Variants in SHC2 observed in about 807,000 individuals in gnomAD.
SHC2 encodes SHC-transforming protein 2.
A neutral mutation model predicts 60.6 loss-of-function variants in SHC2; 62 were observed. That is an observed-to-expected ratio of 1.02 (90% CI 0.83 to 1.26). The LOEUF (loss-of-function observed/expected upper bound fraction) is 1.26. SHC2 is among the 50% of genes most tolerant of loss of function. The pLI is 0.00. For missense variants in SHC2, 873 were observed against 822.2 expected (o/e 1.06, Z -0.76); for synonymous variants, 375 against 372.4 (o/e 1.01, Z -0.08).
chr19:443,288 G>A (rs542279794), intron 1 of SHC2, among the ~76,000 whole-genome samples: 24 of 149,978 alleles, frequency 1.6e-4, no homozygotes, highest in African/African-American at 5.7e-4. Context: ...ATGAATAGGT[G>A]CATGGATGGG....
intron 1 of SHC2, among the ~76,000 whole-genome samples, chr19:449,138 A>T (rs1975117018): frequency 6.6e-6 from 1 of 152,194 alleles, no homozygotes. Context: ...ACTGCACTCC[A>T]GCCTGGGCGA....
At chr19:439,444 G>A (rs1024625969) in intron 2 of SHC2, 7 of 231,580 alleles carry the variant, frequency 3.0e-5, no homozygotes, top group African/African-American at 5.2e-5. Flanking sequence ...TGAGCCTGAC[G>A]CGGGGTCCGT....
rs1041861457 is a variant in SHC2 at position 423,000 on chromosome 19, C to T, written c.1310-544G>A. ...CCCCTCATTGTCAAACAGGGGTGGG[C>T]GTGTCCCCAGGCAGAAAGCAGCATG... On this transcript the variant is annotated intron_variant, in intron 10 of 12. Coordinates refer to ENST00000264554, the MANE Select transcript of SHC2 (RefSeq NM_012435.3). The surrounding 1 kb of genome is among the most constrained non-coding windows in gnomAD (Gnocchi z 5.0). 7.2e-5 allele frequency among the ~76,000 whole-genome samples: 11 copies of T among 152,272 alleles called. No individual in the cohort carries two copies. Among genetic ancestry groups the T allele is most frequent in the Middle Eastern group, 3.4e-3 (1 of 294 alleles).
intron 1 of SHC2, among the ~76,000 whole-genome samples, chr19:452,551 C>T (rs1023736897): frequency 6.8e-6 from 1 of 146,070 alleles, no homozygotes; most frequent in Non-Finnish European, 1.5e-5. Flanking sequence ...GTTGGGGCAT[C>T]GTACTGACTT....
chr19:460,502 C>A, intron 1 of SHC2, 27 bp downstream of exon 1: 8 of 983,672 alleles, frequency 8.1e-6, no homozygotes, highest in Non-Finnish European at 8.5e-6. Context: ...CGCGAACGGG[C>A]TCCCGGGGGG....
chr19:447,981 T>C (rs914740189), intron 1 of SHC2, among the ~76,000 whole-genome samples: 1 of 152,188 alleles, frequency 6.6e-6, no homozygotes, highest in Non-Finnish European at 1.5e-5. Flanking sequence ...AACATCTGTC[T>C]CCCCAGATCA....
In SHC2 at chr19:419,067, G is replaced by C. The variant is rs1412088216; in HGVS notation, c.1621-11C>G. ...GTCCTTCGTCCGTACCTGCGGGACA[G>C]AGACCTCGGCATCAGCTCCCGGGAG... On this transcript the variant is annotated splice_polypyrimidine_tract_variant and intron_variant, in intron 11 of 12. Transcript: ENST00000264554. 1.3e-6 allele frequency: 2 copies of C among 1,569,374 alleles called. No homozygotes were observed. The highest frequency in any genetic ancestry group is 1.4e-5 in the African/African-American group (1 of 74,068).
intron 1 of SHC2, among the ~76,000 whole-genome samples, chr19:459,081 C>A (rs530392445): frequency 6.6e-6 from 1 of 152,222 alleles, no homozygotes; most frequent in African/African-American, 2.4e-5. Flanking sequence ...AGGTAGGCCT[C>A]ATCTTGACTA....
chr19:460,666 GCCCGCCC>G lies in SHC2; in HGVS notation c.324_330del (p.Gly112ArgfsTer65), dbSNP rs1568302403. Reference sequence around the variant, plus strand: ...GCGTCCCCGGACCCCGCCGCCCCCCGCCCGCCCCGCGACCCCCGCGACCCCGCGCCCC... The same window carrying G: ...GCGTCCCCGGACCCCGCCGCCCCCCGCGCGACCCCCGCGACCCCGCGCCCC... On this transcript the variant is annotated frameshift_variant, in exon 1 of 13. Transcript: ENST00000264554. LOFTEE classifies it high-confidence loss of function. 2.5e-5 allele frequency: 28 copies of G among 1,114,400 alleles called. No homozygotes were observed. Among genetic ancestry groups the G allele is most frequent in the African/African-American group, 1.7e-4 (10 of 59,434 alleles). The allele number at this position is 1,114,400 out of a possible 1,614,324, so 69.0% of individuals were successfully genotyped here.
At position 417,085 on chromosome 19, in the gene SHC2, G is replaced by A. The variant is rs971788561; in HGVS notation, c.*243C>T. On this transcript the variant is annotated 3_prime_UTR_variant, in exon 13 of 13. Transcript: ENST00000264554. ...TAAAGGCGAAATGGTTCCGTCTTTG[G>A]TATGAACACCCTCACTCCAGGCAAA... The A allele has an allele frequency of 7.9e-5, 12 of 152,758 alleles. No homozygotes were observed. Among genetic ancestry groups the A allele is most frequent in the African/African-American group, 2.9e-4 (12 of 41,458 alleles). 9.5% of individuals were successfully genotyped at this position (152,758 alleles called of 1,614,324 possible).
Position 440,882 on chromosome 19 carries a change from G to T in SHC2, c.519C>A (p.Asn173Lys), listed in dbSNP as rs113455631. The change falls in exon 2 of 13, where the codon AAC becomes AAA. Residue 173 changes from asparagine (N) to lysine (K), a missense_variant. By Grantham distance (94) the Asn-to-Lys change is moderately conservative. Coordinates refer to ENST00000264554, the MANE Select transcript of SHC2 (RefSeq NM_012435.3). This position sits in a 1 kb window ranked among gnomAD's most constrained non-coding sequence, Gnocchi z 7.0. ...VLRSMRSLDF[N>K]TRTQVTREAI... ...CTCACCTGGTCACCTGCGTGCGCGT[G>T]TTAAAGTCCAGGGAGCGCATAGAGC... 5.0e-6 allele frequency: 8 copies of T among 1,612,782 alleles called. No homozygotes were observed. The highest frequency in any genetic ancestry group is 3.4e-6 in the Non-Finnish European group (4 of 1,179,742).
intron 9 of SHC2, among the ~76,000 whole-genome samples, chr19:427,905 GAAGGGGGAACTGCACACGGCACAGGA>G (rs1974462956): frequency 1.3e-5 from 2 of 149,554 alleles, no homozygotes; most frequent in Non-Finnish European, 3.0e-5. Flanking sequence ...ACGGCGCAGG[GAAGGGGGAACTGCACACGGCACAGGA>G]AAAGGGAGGC....
intron 11 of SHC2, among the ~76,000 whole-genome samples, chr19:420,357 C>T (rs1568279758): frequency 6.6e-6 from 1 of 152,188 alleles, no homozygotes; most frequent in South Asian, 2.1e-4. Flanking sequence ...CACGCAGAGA[C>T]CAGGCTCACA....
rs774297216 is a variant in SHC2, at chr19:419,003, G to A, written c.1674C>T (p.His558=). 19 of 1,587,470 alleles carry A rather than the reference G, an allele frequency of 1.2e-5. No individual in the cohort carries two copies. In the East Asian group the frequency reaches 3.7e-4, roughly 31 times the overall value. Residue 558 remains histidine (H), a synonymous_variant, in exon 12 of 13, where the codon CAC becomes CAT. Transcript: ENST00000264554. ...FESISHLIDH[H]LQNGQPIVAA... is the part of the protein sequence containing the mutation. The stretch of plus-strand genomic sequence containing the variant: ...CCACGATGGGCTGCCCGTTCTGCAG[G>A]TGGTGGTCGATCAGGTGGCTGATGC...
Position 440,784 on chromosome 19 carries a change from TCGCTGCCGCCCTC to T in SHC2, c.539+65_539+77del. 7.7e-7 allele frequency: 1 copy of T among 1,296,064 alleles called. No homozygotes were observed. Among genetic ancestry groups the T allele is most frequent in the African/African-American group, 1.5e-5 (1 of 68,450 alleles). 80.3% of individuals were successfully genotyped at this position (1,296,064 alleles called of 1,614,324 possible). ...CCCAGCGCGGCTGTCGGAGAGCCCA[TCGCTGCCGCCCTC>T]CAGTGCTGCCGCCCTCCAGTGCGTC... On this transcript the variant is annotated intron_variant, in intron 2 of 12. Transcript: ENST00000264554. The surrounding 1 kb of genome is among the most constrained non-coding windows in gnomAD (Gnocchi z 7.0).
At position 447,291 on chromosome 19, in the gene SHC2, C is replaced by T. The variant is rs1294150381; in HGVS notation, c.469-6359G>A. The stretch of plus-strand genomic sequence containing the variant: ...CAGAGGCAGGAAGGGGACGCGTGGG[C>T]GCCGGGGATGGGGAGGGGGTGGAGG... On this transcript the variant is annotated intron_variant, in intron 1 of 12. Coordinates refer to ENST00000264554, the MANE Select transcript of SHC2 (RefSeq NM_012435.3). 6.8e-5 allele frequency among the ~76,000 whole-genome samples: 9 copies of T among 133,176 alleles called. 1 individual carries two copies. Among genetic ancestry groups the T allele is most frequent in the South Asian group, 2.8e-4 (1 of 3,512 alleles). 87.4% of individuals were successfully genotyped at this position (133,176 alleles called of 152,430 possible). A position where few individuals can be genotyped will look rare whatever the true frequency, so the allele number is the denominator to read the frequency against.
chr19:423,156 C>T (rs1484563053), intron 10 of SHC2, among the ~76,000 whole-genome samples: 1 of 141,268 alleles, frequency 7.1e-6, no homozygotes, highest in South Asian at 2.5e-4. Context: ...CCCTGGTCTC[C>T]CGCCCCTCCA....
intron 1 of SHC2, among the ~76,000 whole-genome samples, chr19:449,253 G>A (rs1262175417): frequency 6.6e-6 from 1 of 152,198 alleles, no homozygotes; most frequent in Non-Finnish European, 1.5e-5. Flanking sequence ...GTCTCAGCAA[G>A]AGGCTGAGGT....
chr19:450,515 C>T (rs4919871), intron 1 of SHC2, among the ~76,000 whole-genome samples: 27,746 of 152,134 alleles, frequency 0.18, 2,774 homozygotes, highest in Middle Eastern at 0.25. Context: ...GTCCCCTCCC[C>T]AGCCCCATCC....
Sources: allele counts gnomAD v4.1 joint callset (sites outside exome capture counted in the v4.1 genomes callset), GRCh38; gene constraint gnomAD v4.1.1; non-coding constraint Gnocchi (gnomAD v3.1); transcripts MANE v1.5; gene names NCBI Gene and HGNC (gene_info 2026-07-23, HGNC 2026-07-21).